The following MMP17 variants were observed in gnomAD, a reference collection of about 807,000 sequenced individuals.
MMP17 encodes matrix metallopeptidase 17.
MMP17 carries 54 observed loss-of-function variants against 49.1 expected under a neutral mutation model. The observed-to-expected ratio is 1.10, with a 90% CI of 0.88 to 1.38. MMP17 has a LOEUF of 1.38. Ranked by LOEUF, MMP17 falls within the 40% of genes most tolerant of loss-of-function variation. The pLI, the probability that MMP17 is intolerant of heterozygous loss-of-function variation, is 0.00. For synonymous variants in MMP17, 397 were observed against 383.1 expected, an observed-to-expected ratio of 1.04 and a Z score of -0.42; for missense variants, 837 against 853.7, an observed-to-expected ratio of 0.98 and a Z score of 0.24.
intron 8 of MMP17, among the ~76,000 whole-genome samples, chr12:131,847,398 GC>G (rs1887766511): frequency 1.4e-5 from 2 of 147,946 alleles, no homozygotes; most frequent in Non-Finnish European, 3.0e-5. Flanking sequence ...GGGTGACAGA[GC>G]GAGACTCCGT....
At chr12:131,848,340 C>G (rs1593238636) in intron 8 of MMP17, among the ~76,000 whole-genome samples, 1 of 152,214 alleles carries the variant, frequency 6.6e-6, no homozygotes, top group East Asian at 1.9e-4. Flanking sequence ...CCCACCTTGG[C>G]CTCCCAAAGT....
chr12:131,848,346 A>G (rs1887806965), intron 8 of MMP17, among the ~76,000 whole-genome samples: 1 of 152,210 alleles, frequency 6.6e-6, no homozygotes, highest in African/African-American at 2.4e-5. Context: ...TTGGCCTCCC[A>G]AAGTGCTGGG....
At chr12:131,838,852 G>T (rs977497567) in intron 3 of MMP17, 111 bp downstream of exon 3, 15 of 1,334,852 alleles carry the variant, frequency 1.1e-5, no homozygotes, top group African/African-American at 1.5e-5. Flanking sequence ...TGGGGAACGG[G>T]GTCTCCGTGG....
chr12:131,840,492 A>G, intron 3 of MMP17, 81 bp from the exon 4 acceptor site: 1 of 1,466,534 alleles, frequency 6.8e-7, no homozygotes. Flanking sequence ...CCCCGGGCTG[A>G]GGAGGGGCGT....
chr12:131,850,064 G>T lies in MMP17; in HGVS notation c.1462+5G>T, dbSNP rs747565167. On this transcript the variant is annotated splice_donor_5th_base_variant and intron_variant, in intron 9 of 9. Coordinates refer to ENST00000360564, the MANE Select transcript of MMP17 (RefSeq NM_016155.7). ...ACGCCATGCGCTGGTCCGACGGTGA[G>T]TGCCAGCTGGGGGGACGGGCCATGC... 1.2e-6 allele frequency: 2 copies of T among 1,605,264 alleles called. No individual in the cohort carries two copies. The highest frequency in any genetic ancestry group is 2.7e-5 in the African/African-American group (2 of 74,712).
At chr12:131,831,140 G>A (rs958665172) in intron 1 of MMP17, among the ~76,000 whole-genome samples, 3 of 152,232 alleles carry the variant, frequency 2.0e-5, no homozygotes, top group Admixed American at 6.5e-5. Flanking sequence ...AGCCAGGCTC[G>A]GCCTGCAGCC....
Position 131,828,488 on chromosome 12 carries a change from G to A in MMP17, c.-7G>A, listed in dbSNP as rs1886620875. On this transcript the variant is annotated 5_prime_UTR_variant, in exon 1 of 10. An upstream open reading frame in the 5' UTR loses its in-frame stop. Coordinates refer to ENST00000360564, the MANE Select transcript of MMP17 (RefSeq NM_016155.7). The stretch of plus-strand genomic sequence containing the variant: ...CTGCACGCCGCCCGCGGGCCCATGT[G>A]AGCGCCATGCGGCGCCGCGCAGCCC... 1 of 992,988 alleles carries A rather than the reference G, an allele frequency of 1.0e-6. No individual in the cohort carries two copies. Among genetic ancestry groups the A allele is most frequent in the South Asian group, 4.5e-5 (1 of 22,166 alleles). 61.5% of individuals were successfully genotyped at this position (992,988 alleles called of 1,614,324 possible).
chr12:131,832,485 G>C lies in MMP17; in HGVS notation c.159+3832G>C, dbSNP rs543858281. Among the ~76,000 whole-genome samples the C allele has an allele frequency of 2.0e-3, 300 of 152,174 alleles. 4 individuals carry two copies. The highest frequency in any genetic ancestry group is 6.9e-3 in the African/African-American group (288 of 41,494). ...TTCCAGGGGCACTTTGCGCATGCGT[G>C]AGTTTGCCTCCTTGTTGGCAGCAGA... On this transcript the variant is annotated intron_variant, in intron 1 of 9. Transcript: ENST00000360564.
At chr12:131,833,769 C>T (rs1220148724) in intron 1 of MMP17, among the ~76,000 whole-genome samples, 2 of 152,226 alleles carry the variant, frequency 1.3e-5, no homozygotes, top group African/African-American at 4.8e-5. Flanking sequence ...TCTGCAGGGG[C>T]CAGGCCCAGG....
At position 131,843,998 on chromosome 12, in the gene MMP17, T is replaced by C; in HGVS notation, c.885T>C (p.Gly295=). The change falls in exon 6 of 10, where the codon GGT becomes GGC. Residue 295 remains glycine (G), a splice_region_variant and synonymous_variant. Coordinates refer to ENST00000360564, the MANE Select transcript of MMP17 (RefSeq NM_016155.7). ...EDKVRVWQLY[G]VRESVSPTAQ... ...CGTCCTCCTCCTTGTCTCCCGCAGG[T>C]GTGCGGGAGTCTGTGTCTCCCACGG... 6.4e-7 allele frequency: 1 copy of C among 1,552,684 alleles called. No individual in the cohort carries two copies. Among genetic ancestry groups the C allele is most frequent in the Non-Finnish European group, 8.7e-7 (1 of 1,149,706 alleles).
intron 5 of MMP17, among the ~76,000 whole-genome samples, chr12:131,843,673 C>A (rs988205979): frequency 6.6e-6 from 1 of 152,230 alleles, no homozygotes. Flanking sequence ...TGGGTTGTCA[C>A]CCCTGTTGGC....
intron 1 of MMP17, among the ~76,000 whole-genome samples, chr12:131,829,233 G>A (rs1260223204): frequency 6.6e-6 from 1 of 152,198 alleles, no homozygotes; most frequent in East Asian, 1.9e-4. Context: ...CTCCACCCCA[G>A]GTCGGCCAGG....
In MMP17 at chr12:131,851,645, G is replaced by A. The variant is rs371911316; in HGVS notation, c.*371G>A. 6.5e-5 allele frequency: 14 copies of A among 216,944 alleles called. No homozygotes were observed. Among genetic ancestry groups the A allele is most frequent in the African/African-American group, 1.4e-4 (6 of 43,906 alleles). The allele number at this position is 216,944 out of a possible 1,614,324, so 13.4% of individuals were successfully genotyped here. ...CACACTGCTGCCTGGTGCTCCCGCC[G>A]GCCCACAGGGCCTCCGTCCCCAGGT... is the stretch of plus-strand genomic sequence containing the variant. On this transcript the variant is annotated 3_prime_UTR_variant, in exon 10 of 10. Transcript: ENST00000360564.
rs141379301 is a variant in MMP17, at chr12:131,837,334, G to A, written c.160-861G>A. Among the ~76,000 whole-genome samples, 1,312 of 152,318 alleles carry A rather than the reference G, an allele frequency of 8.6e-3. 10 individuals are homozygous for A. The highest frequency in any genetic ancestry group is 0.016 in the Admixed American group (249 of 15,298). On this transcript the variant is annotated intron_variant, in intron 1 of 9. Transcript: ENST00000360564. ...TGAGACAGGGTCTCGCTCTGTTGCA[G>A]ACACAGTCTGCAACTCCTGTGCTCA...
Position 131,840,804 on chromosome 12 carries a change from C to T in MMP17, c.654C>T (p.Thr218=), listed in dbSNP as rs913919082. The part of the protein sequence containing the change: ...AHAFFPGHHH[T]AGDTHFDDDE... Reference sequence around the variant, plus strand: ...CCTTCTTCCCCGGCCACCACCACACCGCCGGGGACACCCACTTTGACGATG... The same window carrying T: ...CCTTCTTCCCCGGCCACCACCACACTGCCGGGGACACCCACTTTGACGATG... The change falls in exon 4 of 10, where the codon ACC becomes ACT. Residue 218 remains threonine, a synonymous_variant. Transcript: ENST00000360564. 6.2e-6 allele frequency: 10 copies of T among 1,606,810 alleles called. No individual in the cohort carries two copies. Among genetic ancestry groups the T allele is most frequent in the Admixed American group, 3.3e-5 (2 of 59,966 alleles).
chr12:131,841,818 G>T lies in MMP17; in HGVS notation c.883+18G>T. 1 of 1,553,066 alleles carries T rather than the reference G, an allele frequency of 6.4e-7. No individual in the cohort carries two copies. Among genetic ancestry groups the T allele is most frequent in the Non-Finnish European group, 8.7e-7 (1 of 1,151,950 alleles). ...GCTGTACGGTGAGTGTCTCCCCGAAGCCAGACACAGGGCCCCTGGAAGAGG... is the reference window on the plus strand; with the variant it reads ...GCTGTACGGTGAGTGTCTCCCCGAATCCAGACACAGGGCCCCTGGAAGAGG... On this transcript the variant is annotated intron_variant, in intron 5 of 9. Transcript: ENST00000360564.
Position 131,850,961 on chromosome 12 carries a change from A to G in MMP17, c.1499A>G (p.Lys500Arg). The change falls in exon 10 of 10, where the codon AAA becomes AGA. Residue 500 changes from lysine to arginine, a missense_variant. Transcript: ENST00000360564. ...TTCTTCCGTGGCCAGGAGTACTGGA[A>G]AGTGCTGGATGGCGAGCTGGAGGTG... The part of the protein sequence containing the change: ...SYFFRGQEYW[K>R]VLDGELEVAP... The G allele has an allele frequency of 6.5e-7, 1 of 1,527,700 alleles. No homozygotes were observed. The highest frequency in any genetic ancestry group is 8.8e-7 in the Non-Finnish European group (1 of 1,139,134). The allele number at this position is 1,527,700 out of a possible 1,614,324, so 94.6% of individuals were successfully genotyped here. A position where few individuals can be genotyped will look rare whatever the true frequency, so the allele number is the denominator to read the frequency against.
chr12:131,836,676 G>A (rs1473104757), intron 1 of MMP17, among the ~76,000 whole-genome samples: 1 of 147,982 alleles, frequency 6.8e-6, no homozygotes. Flanking sequence ...AATGTCCAGA[G>A]AAAAAAAAAA....
chr12:131,840,521 G>A (rs1887331996), intron 3 of MMP17, 52 bp from the exon 4 acceptor site: 2 of 1,521,054 alleles, frequency 1.3e-6, no homozygotes, highest in Non-Finnish European at 1.8e-6. Flanking sequence ...CCTCGGCCTG[G>A]GGCACGTGGC....
Sources: gnomAD v4.1 joint callset for allele counts (sites outside exome capture counted in the v4.1 genomes callset) on GRCh38, gnomAD v4.1.1 for gene constraint, MANE v1.5 for transcripts, NCBI Gene and HGNC (gene_info 2026-07-23, HGNC 2026-07-21) for gene names.